ROBO1: variants seen among roughly 807,000 people sequenced by gnomAD.
ROBO1 encodes the protein roundabout guidance receptor 1, also known as roundabout homolog 1.
In ROBO1, 149 loss-of-function variants were observed where a neutral mutation model predicts 195.9. The ratio of observed to expected loss-of-function variants is 0.76; its 90% CI spans 0.67 to 0.87. The LOEUF is 0.87. ROBO1 is among the 40% of genes least tolerant of loss of function. The probability of loss-of-function intolerance (pLI) is 0.00; values close to 1 mark genes in which losing one functional copy is unlikely to be tolerated. For missense variants in ROBO1, 1,933 were observed against 2,068.3 expected, an observed-to-expected ratio of 0.93 and a Z score of 1.27; for synonymous variants, 816 against 733.2, an observed-to-expected ratio of 1.11 and a Z score of -1.82.
At chr3:78,955,287 G>A (rs1365133488) in intron 3 of ROBO1, among the ~76,000 whole-genome samples, 3 of 151,966 alleles carry the variant, frequency 2.0e-5, no homozygotes, top group African/African-American at 4.8e-5. Flanking sequence ...TGGGGGTTTG[G>A]TGTACAGATT....
intron 2 of ROBO1, among the ~76,000 whole-genome samples, chr3:79,379,276 G>A (rs2036490123): frequency 6.6e-6 from 1 of 152,134 alleles, no homozygotes; most frequent in Admixed American, 6.5e-5. Flanking sequence ...TTCCATTCTT[G>A]CCATGTTTTC....
intron 1 of ROBO1, among the ~76,000 whole-genome samples, chr3:79,640,107 A>C (rs917946045): frequency 6.6e-6 from 1 of 152,176 alleles, no homozygotes; most frequent in African/African-American, 2.4e-5. Context: ...AATGAAGTCT[A>C]CCAACTTCCC....
intron 4 of ROBO1, among the ~76,000 whole-genome samples, chr3:78,891,967 T>C (rs1457593392): frequency 6.6e-6 from 1 of 152,220 alleles, no homozygotes. Context: ...GAGGAAATTT[T>C]GGAATGATGG....
intron 1 of ROBO1, among the ~76,000 whole-genome samples, chr3:79,757,826 C>T (rs988640416): frequency 2.2e-5 from 3 of 136,398 alleles, no homozygotes; most frequent in African/African-American, 8.1e-5. Flanking sequence ...GGCTCAATCG[C>T]ATTTTTTATA....
chr3:78,685,842 T>C lies in ROBO1; in HGVS notation c.1246A>G (p.Thr416Ala). Residue 416 changes from threonine to alanine, a missense_variant, in exon 10 of 31, where the codon ACT becomes GCT. Coordinates refer to ENST00000464233, the MANE Select transcript of ROBO1 (RefSeq NM_002941.4). ...SVSQTGDLTITNVQRSDVGYY... is the reference protein window; with the variant it reads ...SVSQTGDLTIANVQRSDVGYY... Reference sequence around the variant, plus strand: ...CCAACATCAGATCGCTGGACATTAGTAATTGTGAGGTCGCCAGTCTGGGAG... The same window carrying C: ...CCAACATCAGATCGCTGGACATTAGCAATTGTGAGGTCGCCAGTCTGGGAG... 1 of 1,611,172 alleles carries C rather than the reference T, an allele frequency of 6.2e-7. No individual in the cohort carries two copies. Among genetic ancestry groups the C allele is most frequent in the Non-Finnish European group, 8.5e-7 (1 of 1,178,198 alleles).
At chr3:78,790,590 T>C (rs1576171634) in intron 4 of ROBO1, among the ~76,000 whole-genome samples, 1 of 152,168 alleles carries the variant, frequency 6.6e-6, no homozygotes, top group Non-Finnish European at 1.5e-5. Flanking sequence ...TTTTGTACCA[T>C]TAACCATCTC....
At chr3:78,836,512 C>CA (rs370559968) in intron 4 of ROBO1, among the ~76,000 whole-genome samples, 3 of 122,398 alleles carry the variant, frequency 2.5e-5, no homozygotes, top group African/African-American at 3.3e-5. Flanking sequence ...ACTCTGTCTC[C>CA]AAAAAAAAAA....
At chr3:78,683,726 T>G (rs2080985333) in intron 10 of ROBO1, among the ~76,000 whole-genome samples, 1 of 151,938 alleles carries the variant, frequency 6.6e-6, no homozygotes, top group African/African-American at 2.4e-5. Flanking sequence ...AGTTTTCATA[T>G]GGGGGAAATG....
chr3:79,569,392 C>T (rs1457804824), intron 2 of ROBO1, among the ~76,000 whole-genome samples: 1 of 152,168 alleles, frequency 6.6e-6, no homozygotes. Context: ...CTTTAGCTTG[C>T]ACCTTAGTCA....
At chr3:78,956,389 C>T (rs112611767) in intron 3 of ROBO1, among the ~76,000 whole-genome samples, 54 of 151,996 alleles carry the variant, frequency 3.6e-4, no homozygotes, top group African/African-American at 1.2e-3. Flanking sequence ...TGTATTTTAA[C>T]GCAACTTTGA....
Position 78,617,816 on chromosome 3 carries a change from C to G in ROBO1, c.4101G>C (p.Thr1367=). 1 of 1,613,928 alleles carries G rather than the reference C, an allele frequency of 6.2e-7. No individual in the cohort carries two copies. The highest frequency in any genetic ancestry group is 8.5e-7 in the Non-Finnish European group (1 of 1,179,858). Residue 1367 remains threonine, a synonymous_variant, in exon 27 of 31, where the codon ACG becomes ACC. Coordinates refer to ENST00000464233, the MANE Select transcript of ROBO1 (RefSeq NM_002941.4). ...AGCCCCAGCCGTTGATCATGGACCCCGTGACAGAGCTCTCCAGGTCCCCAA... is the reference window on the plus strand; with the variant it reads ...AGCCCCAGCCGTTGATCATGGACCCGGTGACAGAGCTCTCCAGGTCCCCAA... ...SSVGDLESSV[T]GSMINGWGSA...
Position 79,405,093 on chromosome 3 carries a change from A to G in ROBO1, c.88+184731T>C, listed in dbSNP as rs143864849. 6.0e-4 allele frequency among the ~76,000 whole-genome samples: 92 copies of G among 152,298 alleles called. No homozygotes were observed. The East Asian group carries it at 0.017, about 28-fold the overall frequency. On this transcript the variant is annotated intron_variant, in intron 2 of 30. Transcript: ENST00000464233. ...AATTTACAAATATTCATGATATTAT[A>G]TATAAACATTGTTTCTTCCCAAAAT...
At chr3:78,648,516 C>A (rs890793890) in intron 19 of ROBO1, among the ~76,000 whole-genome samples, 1 of 151,840 alleles carries the variant, frequency 6.6e-6, no homozygotes, top group Non-Finnish European at 1.5e-5. Context: ...GAAATTGAAC[C>A]GCAGACCTCA....
intron 3 of ROBO1, among the ~76,000 whole-genome samples, chr3:79,055,856 G>A (rs2078797608): frequency 6.6e-6 from 1 of 151,992 alleles, no homozygotes; most frequent in Admixed American, 6.6e-5. Flanking sequence ...CACCCATTTG[G>A]ATTCAGCAGT....
intron 4 of ROBO1, among the ~76,000 whole-genome samples, chr3:78,894,544 G>A (rs1304244162): frequency 1.3e-5 from 2 of 152,056 alleles, no homozygotes; most frequent in African/African-American, 2.4e-5. Context: ...CTAATGAAAC[G>A]AAGACCAATA....
At chr3:79,211,998 C>T (rs564627890) in intron 2 of ROBO1, among the ~76,000 whole-genome samples, 2 of 152,240 alleles carry the variant, frequency 1.3e-5, no homozygotes, top group African/African-American at 2.4e-5. Flanking sequence ...GTATTCCTTA[C>T]GGGAAACAAA....
intron 2 of ROBO1, among the ~76,000 whole-genome samples, chr3:79,361,157 T>C (rs2035753948): frequency 6.6e-6 from 1 of 152,124 alleles, no homozygotes; most frequent in Non-Finnish European, 1.5e-5. Flanking sequence ...TAAATGATAG[T>C]TGTATGACCT....
chr3:78,964,986 C>T (rs10514741), intron 3 of ROBO1, among the ~76,000 whole-genome samples: 23,114 of 150,948 alleles, frequency 0.15, 2,683 homozygotes, highest in African/African-American at 0.33. Context: ...ACTCTGAGAA[C>T]GCAAAAAATA....
In ROBO1 at chr3:78,662,017, G is replaced by A. The variant is rs774410815; in HGVS notation, c.2064C>T (p.Ser688=). The change falls in exon 15 of 31, where the codon TCC becomes TCT. Residue 688 remains serine (S), a synonymous_variant. Coordinates refer to ENST00000464233, the MANE Select transcript of ROBO1 (RefSeq NM_002941.4). ...LHLHNPTVLS[S]SSIEVHWTVD... is the part of the protein sequence containing the mutation. ...CTGTCCAGTGCACTTCGATGGAAGA[G>A]GAAGAAAGGACGGTGGGGTTGTGGA... is the stretch of plus-strand genomic sequence containing the variant. 2.6e-5 allele frequency: 42 copies of A among 1,607,002 alleles called. No homozygotes were observed. The highest frequency in any genetic ancestry group is 5.6e-5 in the South Asian group (5 of 89,120).
Sources: gnomAD v4.1 joint callset for allele counts (sites outside exome capture counted in the v4.1 genomes callset) on GRCh38, gnomAD v4.1.1 for gene constraint, MANE v1.5 for transcripts, NCBI Gene and HGNC (gene_info 2026-07-23, HGNC 2026-07-21) for gene names.